MYO9A: variants seen among roughly 807,000 people sequenced by gnomAD.
MYO9A encodes unconventional myosin-IXa.
In MYO9A, 103 loss-of-function variants were observed where a neutral mutation model predicts 293.3. The ratio of observed to expected loss-of-function variants is 0.35; its 90% CI spans 0.30 to 0.41. MYO9A has a LOEUF of 0.41. MYO9A is among the 10% of genes least tolerant of loss of function. The probability of loss-of-function intolerance (pLI) is 1.00; values close to 1 mark genes in which losing one functional copy is unlikely to be tolerated. For missense variants in MYO9A, 2,685 were observed against 3,033.0 expected (o/e 0.89, Z 2.69); for synonymous variants, 1,001 against 1,035.7 (o/e 0.97, Z 0.64).
intron 1 of MYO9A, among the ~76,000 whole-genome samples, chr15:72,081,499 A>T (rs201016096): frequency 1.3e-5 from 2 of 151,882 alleles, no homozygotes; most frequent in African/African-American, 4.9e-5. Context: ...CATTCTGTAG[A>T]CTGTTTACTC....
At chr15:72,020,841 T>C in intron 5 of MYO9A, 77 bp downstream of exon 5, 1 of 829,020 alleles carries the variant, frequency 1.2e-6, no homozygotes, top group Non-Finnish European at 1.7e-6. Flanking sequence ...TTTGAGAAAG[T>C]ACTAGAAAAA....
chr15:72,103,698 GAACT>G (rs2080473017), intron 1 of MYO9A, among the ~76,000 whole-genome samples: 1 of 152,102 alleles, frequency 6.6e-6, no homozygotes, highest in African/African-American at 2.4e-5. Context: ...CACAAATACT[GAACT>G]AATTTTTTAG....
intron 32 of MYO9A, 25 bp from the exon 33 acceptor site, chr15:71,862,636 A>C (rs1191596150): frequency 6.7e-7 from 1 of 1,498,792 alleles, no homozygotes; most frequent in East Asian, 2.3e-5. Context: ...TTAGCTACTT[A>C]TATTAAAGCC....
chr15:71,952,173 C>T (rs948572010), intron 14 of MYO9A, among the ~76,000 whole-genome samples: 1 of 151,950 alleles, frequency 6.6e-6, no homozygotes, highest in Non-Finnish European at 1.5e-5. Context: ...TTTCTCAATA[C>T]AAGCAAAAAT....
At chr15:72,029,503 C>G (rs532406967) in intron 3 of MYO9A, among the ~76,000 whole-genome samples, 1 of 152,178 alleles carries the variant, frequency 6.6e-6, no homozygotes, top group African/African-American at 2.4e-5. Context: ...AGAAAAAGTA[C>G]AGTAAAAATA....
intron 18 of MYO9A, among the ~76,000 whole-genome samples, chr15:71,924,304 T>A (rs917045589): frequency 2.6e-5 from 4 of 152,062 alleles, no homozygotes; most frequent in African/African-American, 9.7e-5. Context: ...CCCAGTGGCG[T>A]GATCTCGGCT....
At chr15:71,933,021 A>T (rs972116534) in intron 18 of MYO9A, among the ~76,000 whole-genome samples, 10 of 152,138 alleles carry the variant, frequency 6.6e-5, no homozygotes, top group African/African-American at 2.4e-4. Context: ...AAAAATAAAA[A>T]AAAACCAGAG....
intron 15 of MYO9A, among the ~76,000 whole-genome samples, chr15:71,940,620 C>T (rs908096080): frequency 6.6e-6 from 1 of 152,120 alleles, no homozygotes; most frequent in Non-Finnish European, 1.5e-5. Context: ...AAAGACTCAA[C>T]TAAATGGAAT....
chr15:72,016,613 A>C (rs2077346843), intron 6 of MYO9A, among the ~76,000 whole-genome samples: 1 of 152,238 alleles, frequency 6.6e-6, no homozygotes, highest in Admixed American at 6.5e-5. Context: ...TTGTCCCCAA[A>C]TATATTATGA....
intron 2 of MYO9A, among the ~76,000 whole-genome samples, chr15:72,033,242 T>C (rs999640579): frequency 5.3e-5 from 8 of 152,190 alleles, no homozygotes; most frequent in Non-Finnish European, 1.0e-4. Flanking sequence ...AGTCTTAATA[T>C]ATTTATACTT....
intron 1 of MYO9A, among the ~76,000 whole-genome samples, chr15:72,051,646 G>C (rs745672018): frequency 1.3e-5 from 2 of 152,160 alleles, no homozygotes; most frequent in Admixed American, 6.5e-5. Context: ...GGTTGGGTCC[G>C]AGACTGGGCA....
intron 4 of MYO9A, among the ~76,000 whole-genome samples, chr15:72,026,193 A>AACC (rs2077663109): frequency 6.7e-6 from 1 of 148,426 alleles, no homozygotes; most frequent in Non-Finnish European, 1.5e-5. Context: ...GAATGGCGTG[A>AACC]ACCCAGGAGG....
chr15:71,903,928 C>T lies in MYO9A; in HGVS notation c.2877+1G>A. 6.2e-7 allele frequency: 1 copy of T among 1,612,320 alleles called. No individual in the cohort carries two copies. The highest frequency in any genetic ancestry group is 8.5e-7 in the Non-Finnish European group (1 of 1,178,834). Reference sequence around the variant, plus strand: ...TGTAAATATCACTATAAAAACAGAACCTGGAAAGAATATTTGGAGCTGTAT... The same window carrying T: ...TGTAAATATCACTATAAAAACAGAATCTGGAAAGAATATTTGGAGCTGTAT... On this transcript the variant is annotated splice_donor_variant, in intron 21 of 41. Transcript: ENST00000356056. LOFTEE classifies it high-confidence loss of function.
intron 7 of MYO9A, 147 bp downstream of exon 7, chr15:72,010,203 G>C: frequency 7.2e-6 from 4 of 553,248 alleles, no homozygotes; most frequent in Non-Finnish European, 1.3e-5. Flanking sequence ...ATAAAAAAAG[G>C]AATTAGAAAT....
At chr15:71,956,834 TATAC>T (rs2059209964) in intron 14 of MYO9A, among the ~76,000 whole-genome samples, 1 of 121,480 alleles carries the variant, frequency 8.2e-6, no homozygotes, top group African/African-American at 3.3e-5. Context: ...GCTATATATA[TATAC>T]ACACACACAC....
intron 12 of MYO9A, among the ~76,000 whole-genome samples, chr15:71,973,153 G>T (rs11852789): frequency 6.6e-6 from 1 of 151,990 alleles, no homozygotes; most frequent in South Asian, 2.1e-4. Context: ...GAATTGTGCA[G>T]GGGCAACAAA....
chr15:72,052,214 T>C (rs982869337), intron 1 of MYO9A, among the ~76,000 whole-genome samples: 8 of 152,014 alleles, frequency 5.3e-5, no homozygotes, highest in Non-Finnish European at 1.2e-4. Context: ...GCTGAAGAGA[T>C]ATCCAACTAC....
intron 18 of MYO9A, among the ~76,000 whole-genome samples, chr15:71,925,850 T>C (rs550288444): frequency 6.6e-6 from 1 of 152,344 alleles, no homozygotes; most frequent in South Asian, 2.1e-4. Flanking sequence ...AGTTTGAAAG[T>C]GAAATTACCT....
At chr15:72,109,977 T>G (rs1021349482) in intron 1 of MYO9A, among the ~76,000 whole-genome samples, 68 of 129,566 alleles carry the variant, frequency 5.2e-4, no homozygotes, top group Admixed American at 8.6e-4. Flanking sequence ...CTAAGAACTT[T>G]CTCCCTTACA....
Sources: gnomAD v4.1 joint callset for allele counts (sites outside exome capture counted in the v4.1 genomes callset) on GRCh38, gnomAD v4.1.1 for gene constraint, MANE v1.5 for transcripts, NCBI Gene and HGNC (gene_info 2026-07-23, HGNC 2026-07-21) for gene names.